Variants in ZDHHC7 observed in about 807,000 individuals in gnomAD.
The protein encoded by ZDHHC7 is zDHHC palmitoyltransferase 7, also known as palmitoyltransferase ZDHHC7.
ZDHHC7 carries 12 observed loss-of-function variants against 34.1 expected under a neutral mutation model. The ratio of observed to expected loss-of-function variants is 0.35; its 90% CI spans 0.23 to 0.57. The LOEUF (loss-of-function observed/expected upper bound fraction) is 0.57. Among genes scored for constraint, ZDHHC7 ranks in the 20% least tolerant of loss-of-function variants. The pLI, the probability that ZDHHC7 is intolerant of heterozygous loss-of-function variation, is 0.84. For missense variants in ZDHHC7, 388 were observed against 402.7 expected (o/e 0.96, Z 0.31); for synonymous variants, 185 against 155.4 (o/e 1.19, Z -1.42).
intron 2 of ZDHHC7, among the ~76,000 whole-genome samples, chr16:84,991,871 G>A (rs1281791951): frequency 6.6e-6 from 1 of 151,926 alleles, no homozygotes; most frequent in African/African-American, 2.4e-5. Context: ...AATAGCATCT[G>A]ATTTCTAAGA....
intron 1 of ZDHHC7, among the ~76,000 whole-genome samples, chr16:85,006,229 C>G (rs967976784): frequency 1.3e-5 from 2 of 151,936 alleles, no homozygotes; most frequent in Non-Finnish European, 2.9e-5. Context: ...CGCAGTGGTA[C>G]ACAGCTGTAG....
At chr16:85,007,422 CAAAAA>C (rs138373927) in intron 1 of ZDHHC7, among the ~76,000 whole-genome samples, 1 of 85,504 alleles carries the variant, frequency 1.2e-5, no homozygotes, top group Non-Finnish European at 2.4e-5. Flanking sequence ...TACTCCATCT[CAAAAA>C]AAAAAAAAAA....
chr16:85,024,861 C>T, the ZDHHC7 span, among the ~76,000 whole-genome samples: 1 of 152,192 alleles, frequency 6.6e-6, no homozygotes, highest in Non-Finnish European at 1.5e-5. Context: ...TGCATCAGTC[C>T]ATTCAGAACA....
rs2072272963 is a variant in ZDHHC7, at chr16:84,974,784, G to A, written c.*1559C>T. 6.6e-6 allele frequency: 1 copy of A among 152,658 alleles called. No individual in the cohort carries two copies. Among genetic ancestry groups the A allele is most frequent in the African/African-American group, 2.4e-5 (1 of 41,444 alleles). The allele number at this position is 152,658 out of a possible 1,614,324, so 9.5% of individuals were successfully genotyped here. On this transcript the variant is annotated 3_prime_UTR_variant, in exon 8 of 8. Transcript: ENST00000313732. ...GCGCACACGCTTCTGCGGTGACCAA[G>A]TCCACTTCCAAACCCCCTGCAGGTT...
At chr16:84,982,929 G>A (rs1199971624) in intron 3 of ZDHHC7, among the ~76,000 whole-genome samples, 3 of 152,262 alleles carry the variant, frequency 2.0e-5, no homozygotes, top group African/African-American at 2.4e-5. Flanking sequence ...CTGAGGACCC[G>A]CTGTAGGGAA....
At chr16:84,998,300 T>G (rs889127200) in intron 1 of ZDHHC7, among the ~76,000 whole-genome samples, 6 of 148,258 alleles carry the variant, frequency 4.0e-5, no homozygotes, top group African/African-American at 1.5e-4. Context: ...GGTCAGGAGG[T>G]CCACCTTCCA....
At chr16:85,013,142 T>G (rs1437631432), upstream of ZDHHC7, among the ~76,000 whole-genome samples, 1 of 152,192 alleles carries the variant, frequency 6.6e-6, no homozygotes, top group Non-Finnish European at 1.5e-5. Context: ...TCTATTAAGT[T>G]TCTTCCCATA....
At chr16:85,025,699 C>G in the ZDHHC7 span, among the ~76,000 whole-genome samples, 1 of 152,182 alleles carries the variant, frequency 6.6e-6, no homozygotes. Flanking sequence ...TCAGCCACCG[C>G]GCCCGGCCCC....
At chr16:84,996,419 G>C (rs551947816) in intron 1 of ZDHHC7, among the ~76,000 whole-genome samples, 7 of 152,110 alleles carry the variant, frequency 4.6e-5, no homozygotes, top group Non-Finnish European at 1.0e-4. Context: ...GGGTGGACTA[G>C]AATGGCAGGC....
intron 1 of ZDHHC7, 85 bp downstream of exon 1, chr16:85,011,201 C>T (rs76077655): frequency 0.039 from 6,006 of 152,408 alleles, 200 homozygotes; most frequent in South Asian, 0.15. Flanking sequence ...GCGGAACCGA[C>T]GGAAGGACAG....
At chr16:85,023,926 A>AT in the ZDHHC7 span, among the ~76,000 whole-genome samples, 25 of 149,854 alleles carry the variant, frequency 1.7e-4, no homozygotes, top group South Asian at 4.2e-4. Context: ...TATTCAAAGT[A>AT]TTTTTTTTTG....
In ZDHHC7 at chr16:84,981,822, T is replaced by A. The variant is rs770656124; in HGVS notation, c.440+48A>T. 6.2e-6 allele frequency: 10 copies of A among 1,612,212 alleles called. No individual in the cohort carries two copies. In the African/African-American group the frequency reaches 9.4e-5, roughly 15 times the overall value. On this transcript the variant is annotated intron_variant, in intron 4 of 7. Coordinates refer to ENST00000313732, the MANE Select transcript of ZDHHC7 (RefSeq NM_017740.3). ...CTCTGGTTTAATACAGCAGCACACG[T>A]ACCCGCAGTGGCGGATGCGCTCGGG...
intron 7 of ZDHHC7, 134 bp downstream of exon 7, chr16:84,976,961 T>C: frequency 7.7e-7 from 1 of 1,293,930 alleles, no homozygotes; most frequent in South Asian, 1.5e-5. Context: ...CACAGGGAGC[T>C]GGTTGCAGCT....
the ZDHHC7 span, among the ~76,000 whole-genome samples, chr16:85,026,139 A>C: frequency 2.0e-4 from 30 of 152,292 alleles, no homozygotes; most frequent in African/African-American, 7.2e-4. Flanking sequence ...CCTTTTTACA[A>C]TTCTCCCAAA....
At chr16:85,025,425 G>A in the ZDHHC7 span, among the ~76,000 whole-genome samples, 2 of 141,690 alleles carry the variant, frequency 1.4e-5, no homozygotes, top group African/African-American at 5.3e-5. Context: ...TTTTTTGGGG[G>A]GGGGGACTAA....
the ZDHHC7 span, among the ~76,000 whole-genome samples, chr16:85,021,248 C>A: frequency 1.3e-5 from 2 of 151,878 alleles, no homozygotes; most frequent in South Asian, 4.2e-4. Flanking sequence ...CTTGTCTGTA[C>A]TAAAAATACA....
chr16:84,981,739 C>A, intron 4 of ZDHHC7, 131 bp downstream of exon 4: 1 of 1,532,958 alleles, frequency 6.5e-7, no homozygotes, highest in Non-Finnish European at 8.9e-7. Flanking sequence ...ACCTACGGCC[C>A]CGCCCGTACA....
chr16:84,979,597 T>C (rs1320178005), intron 4 of ZDHHC7, among the ~76,000 whole-genome samples: 1 of 152,170 alleles, frequency 6.6e-6, no homozygotes, highest in Non-Finnish European at 1.5e-5. Context: ...TTCCTAATTT[T>C]GCAAGCTTAC....
intron 1 of ZDHHC7, among the ~76,000 whole-genome samples, chr16:85,003,922 C>T (rs1441478497): frequency 6.6e-6 from 1 of 152,172 alleles, no homozygotes; most frequent in South Asian, 2.1e-4. Flanking sequence ...TACTTCTCCT[C>T]CACCCATGTA....
Sources: gnomAD v4.1 joint callset for allele counts (sites outside exome capture counted in the v4.1 genomes callset) on GRCh38, gnomAD v4.1.1 for gene constraint, MANE v1.5 for transcripts, NCBI Gene and HGNC (gene_info 2026-07-23, HGNC 2026-07-21) for gene names.